Variants in COL24A1 observed in about 807,000 individuals in gnomAD.
COL24A1 encodes the protein collagen type XXIV alpha 1 chain, also known as collagen alpha-1(XXIV) chain.
A neutral mutation model predicts 253.9 loss-of-function variants in COL24A1; 224 were observed. The observed-to-expected ratio is 0.88, with a 90% CI of 0.79 to 0.99. The LOEUF is 0.99. Ranked by LOEUF, COL24A1 falls within the 50% of genes least tolerant of loss-of-function variation. The pLI is 0.00. For missense variants in COL24A1, 2,131 were observed against 2,068.5 expected (o/e 1.03, Z -0.59); for synonymous variants, 685 against 673.7 (o/e 1.02, Z -0.26).
chr1:85,757,834 G>T (rs1008754308), intron 55 of COL24A1, among the ~76,000 whole-genome samples: 1 of 152,108 alleles, frequency 6.6e-6, no homozygotes, highest in African/African-American at 2.4e-5. Flanking sequence ...TGCCCACATC[G>T]AAGTATAAAT....
intron 31 of COL24A1, among the ~76,000 whole-genome samples, chr1:85,894,210 A>G (rs747257738): frequency 7.2e-5 from 11 of 152,198 alleles, no homozygotes; most frequent in Non-Finnish European, 1.6e-4. Context: ...CAATGTAGGT[A>G]TAGAGCTAAG....
chr1:85,975,974 C>G (rs1358725203), intron 20 of COL24A1, among the ~76,000 whole-genome samples: 1 of 152,146 alleles, frequency 6.6e-6, no homozygotes. Flanking sequence ...TTCTCCAGCT[C>G]AAGCCAAGGG....
intron 32 of COL24A1, among the ~76,000 whole-genome samples, chr1:85,885,941 C>A (rs7542433): frequency 0.25 from 38,392 of 152,030 alleles, 5,197 homozygotes; most frequent in Admixed American, 0.35. Context: ...TCAGGTTTTT[C>A]TTTTATTTTC....
intron 2 of COL24A1, among the ~76,000 whole-genome samples, chr1:86,145,510 T>C (rs11161752): frequency 0.082 from 12,532 of 152,082 alleles, 605 homozygotes; most frequent in East Asian, 0.22. Flanking sequence ...TTTCCAATCA[T>C]TGGCAATAGG....
intron 1 of COL24A1, among the ~76,000 whole-genome samples, chr1:86,151,947 T>C (rs977263129): frequency 6.6e-6 from 1 of 152,182 alleles, no homozygotes; most frequent in African/African-American, 2.4e-5. Context: ...GTGATATACA[T>C]CAATAATTTC....
chr1:86,003,823 C>A (rs9701002), intron 19 of COL24A1, among the ~76,000 whole-genome samples: 90,045 of 151,790 alleles, frequency 0.59, 27,007 homozygotes, highest in East Asian at 0.84. Context: ...AGTCACATGA[C>A]TAGACACATG....
chr1:85,784,451 T>C (rs1328466770), intron 48 of COL24A1, 85 bp from the exon 49 acceptor site: 34 of 905,786 alleles, frequency 3.8e-5, no homozygotes, highest in Non-Finnish European at 5.9e-5. Flanking sequence ...TACAGGCCCA[T>C]CCTTAGGCCC....
chr1:85,813,532 CTTTTTTTTTTTTTTT>C (rs765607746), intron 47 of COL24A1, among the ~76,000 whole-genome samples: 11 of 76,246 alleles, frequency 1.4e-4, no homozygotes, highest in East Asian at 8.5e-4. Context: ...TCATTCAGGT[CTTTTTTTTTTTTTTT>C]TTTTTTTTTT....
chr1:85,971,898 TAA>T (rs1692201593), intron 20 of COL24A1, among the ~76,000 whole-genome samples: 1 of 152,128 alleles, frequency 6.6e-6, no homozygotes, highest in South Asian at 2.1e-4. Context: ...TACAAGATGA[TAA>T]AAAGAGAAGA....
Position 86,126,032 on chromosome 1 carries a change from A to G in COL24A1, c.304T>C (p.Leu102=). The part of the protein sequence containing the change: ...TPFVKILPVN[L]GQPFTILTGL... The stretch of plus-strand genomic sequence containing the variant: ...GTTAATATTGTAAACGGCTGCCCCA[A>G]GTTGACTGGTAAAATTTTCACGAAA... Residue 102 remains leucine (L), a synonymous_variant, in exon 3 of 60, where the codon TTG becomes CTG. Coordinates refer to ENST00000370571, the MANE Select transcript of COL24A1 (RefSeq NM_152890.7). 6.2e-7 allele frequency: 1 copy of G among 1,613,664 alleles called. No homozygotes were observed. Among genetic ancestry groups the G allele is most frequent in the Non-Finnish European group, 8.5e-7 (1 of 1,179,788 alleles).
chr1:86,056,314 G>T lies in COL24A1; in HGVS notation c.1851+1617C>A, dbSNP rs571094830. On this transcript the variant is annotated intron_variant, in intron 10 of 59. Coordinates refer to ENST00000370571, the MANE Select transcript of COL24A1 (RefSeq NM_152890.7). ...TCATGAAAAGAGGTCAGGGCTAAAG[G>T]TGAAAAGACATTGGTTCTAGTTCTA... is the stretch of plus-strand genomic sequence containing the variant. Among the ~76,000 whole-genome samples, 6 of 152,220 alleles carry T rather than the reference G, an allele frequency of 3.9e-5. No homozygotes were observed. In the East Asian group the frequency reaches 1.2e-3, roughly 29 times the overall value.
chr1:85,738,390 A>T (rs927700874), intron 57 of COL24A1, among the ~76,000 whole-genome samples: 2 of 152,180 alleles, frequency 1.3e-5, no homozygotes, highest in Admixed American at 6.5e-5. Context: ...AGATTTTCCC[A>T]CTATCACTCA....
At chr1:85,755,818 T>C (rs1427896561) in intron 55 of COL24A1, among the ~76,000 whole-genome samples, 1 of 151,682 alleles carries the variant, frequency 6.6e-6, no homozygotes, top group African/African-American at 2.4e-5. Context: ...AGGAAAAGCT[T>C]GATAACATTT....
At chr1:86,038,033 C>CTT (rs1254322687) in intron 12 of COL24A1, among the ~76,000 whole-genome samples, 1 of 151,910 alleles carries the variant, frequency 6.6e-6, no homozygotes, top group South Asian at 2.1e-4. Context: ...GTATTTTAAA[C>CTT]TTTATCATTC....
At chr1:85,871,933 G>A (rs571346340) in intron 35 of COL24A1, among the ~76,000 whole-genome samples, 1 of 152,186 alleles carries the variant, frequency 6.6e-6, no homozygotes, top group African/African-American at 2.4e-5. Context: ...TGACATGATT[G>A]TATATTTAGA....
intron 31 of COL24A1, among the ~76,000 whole-genome samples, chr1:85,893,966 A>G (rs902808409): frequency 6.6e-6 from 1 of 152,136 alleles, no homozygotes; most frequent in African/African-American, 2.4e-5. Context: ...ACAAAGTTAT[A>G]TGGTTTTTAG....
intron 45 of COL24A1, among the ~76,000 whole-genome samples, chr1:85,820,917 C>T (rs931207962): frequency 8.5e-5 from 13 of 152,216 alleles, no homozygotes; most frequent in Admixed American, 5.9e-4. Context: ...TTAATACAAA[C>T]GCTTGTTTTT....
chr1:85,876,721 T>A (rs991342607), intron 33 of COL24A1, among the ~76,000 whole-genome samples: 1 of 152,210 alleles, frequency 6.6e-6, no homozygotes, highest in Non-Finnish European at 1.5e-5. Context: ...GTGCTAAAGT[T>A]ACAAACAATG....
chr1:85,911,560 A>G, intron 24 of COL24A1, 127 bp from the exon 25 acceptor site: 1 of 805,232 alleles, frequency 1.2e-6, no homozygotes, highest in South Asian at 1.5e-5. Flanking sequence ...TTGGAGTAAA[A>G]TTCCTCCTTG....
Sources: gnomAD v4.1 joint callset for allele counts (sites outside exome capture counted in the v4.1 genomes callset) on GRCh38, gnomAD v4.1.1 for gene constraint, MANE v1.5 for transcripts, NCBI Gene and HGNC (gene_info 2026-07-23, HGNC 2026-07-21) for gene names.